The following RNF43 variants were observed in gnomAD, a reference collection of about 807,000 sequenced individuals.
The protein encoded by RNF43 is ring finger protein 43.
Under a neutral mutation model 78.4 loss-of-function variants are expected in RNF43, and 37 were observed. The ratio of observed to expected loss-of-function variants is 0.47; its 90% CI spans 0.36 to 0.62. RNF43 has a LOEUF of 0.62. RNF43 is among the 20% of genes least tolerant of loss of function. RNF43 has a pLI of 0.00. For missense variants in RNF43, 774 were observed against 1,007.9 expected (o/e 0.77, Z 3.14); for synonymous variants, 347 against 395.0 (o/e 0.88, Z 1.44).
intron 9 of RNF43, among the ~76,000 whole-genome samples, chr17:58,356,545 A>C (rs753047817): frequency 3.9e-5 from 6 of 152,192 alleles, no homozygotes; most frequent in Non-Finnish European, 8.8e-5. Flanking sequence ...CAAGAAATTA[A>C]GGTCAGTCTT....
intron 8 of RNF43, among the ~76,000 whole-genome samples, chr17:58,359,053 C>T (rs1184181011): frequency 6.6e-6 from 1 of 152,184 alleles, no homozygotes; most frequent in South Asian, 2.1e-4. Flanking sequence ...CTAAACCTCC[C>T]CTCAGCCATT....
At chr17:58,362,694 C>A (rs1567876477) in intron 5 of RNF43, 46 bp from the exon 6 acceptor site, 1 of 1,483,964 alleles carries the variant, frequency 6.7e-7, no homozygotes, top group South Asian at 1.2e-5. Context: ...CCGGGATGAG[C>A]TGGGTCAATT....
At chr17:58,398,833 A>G (rs905695127) in intron 2 of RNF43, among the ~76,000 whole-genome samples, 1 of 152,274 alleles carries the variant, frequency 6.6e-6, no homozygotes, top group Non-Finnish European at 1.5e-5. Flanking sequence ...TAACAGTGAT[A>G]GTGAATGTTT....
At chr17:58,404,423 A>C (rs748763799) in intron 2 of RNF43, among the ~76,000 whole-genome samples, 6 of 152,378 alleles carry the variant, frequency 3.9e-5, no homozygotes, top group Non-Finnish European at 8.8e-5. Context: ...TAAAATGATC[A>C]TAAGGTGCCT....
At chr17:58,388,262 C>T (rs1408614014) in intron 2 of RNF43, among the ~76,000 whole-genome samples, 1 of 152,178 alleles carries the variant, frequency 6.6e-6, no homozygotes, top group Non-Finnish European at 1.5e-5. Flanking sequence ...TAGCCAAATA[C>T]CTAACTACTA....
At chr17:58,392,052 T>C (rs905193302) in intron 2 of RNF43, among the ~76,000 whole-genome samples, 3 of 152,284 alleles carry the variant, frequency 2.0e-5, no homozygotes, top group East Asian at 1.9e-4. Flanking sequence ...AAGCAGCCCC[T>C]AAGACAGTGG....
At chr17:58,372,255 G>T (rs560598624) in intron 2 of RNF43, among the ~76,000 whole-genome samples, 1 of 152,126 alleles carries the variant, frequency 6.6e-6, no homozygotes, top group South Asian at 2.1e-4. Flanking sequence ...GTGTCACCGC[G>T]GTCCCTTGAA....
chr17:58,384,080 A>C (rs1441951889), intron 2 of RNF43, among the ~76,000 whole-genome samples: 1 of 152,250 alleles, frequency 6.6e-6, no homozygotes, highest in Non-Finnish European at 1.5e-5. Flanking sequence ...CAAATATTCC[A>C]GACATCCTTT....
chr17:58,380,545 A>T (rs562737231), intron 2 of RNF43, among the ~76,000 whole-genome samples: 1 of 152,328 alleles, frequency 6.6e-6, no homozygotes, highest in Admixed American at 6.5e-5. Context: ...GGAATCTGAA[A>T]ACCTACTAGA....
rs766747826 is a variant in RNF43, at chr17:58,362,653, G to C, written c.583-5C>G. ...GATCCACACATCATAATCTGGCTGG[G>C]GAGTGAGCAGAGAGGGAAAGGGTCA... On this transcript the variant is annotated splice_polypyrimidine_tract_variant and splice_region_variant and intron_variant, in intron 5 of 9. Coordinates refer to ENST00000407977, the MANE Select transcript of RNF43 (RefSeq NM_017763.6). The C allele has an allele frequency of 6.2e-7, 1 of 1,604,456 alleles. No individual in the cohort carries two copies. The highest frequency in any genetic ancestry group is 1.1e-5 in the South Asian group (1 of 90,054).
At chr17:58,372,380 G>C (rs952350821) in intron 2 of RNF43, among the ~76,000 whole-genome samples, 4 of 152,180 alleles carry the variant, frequency 2.6e-5, no homozygotes, top group African/African-American at 7.2e-5. Flanking sequence ...AGGCCTACTA[G>C]TCTGGTAGTG....
In RNF43 at chr17:58,370,908, T is replaced by C. The variant is rs1048763806; in HGVS notation, c.375+3A>G. On this transcript the variant is annotated splice_donor_region_variant and intron_variant, in intron 3 of 9. Coordinates refer to ENST00000407977, the MANE Select transcript of RNF43 (RefSeq NM_017763.6). ...GTGTGTGTAGGGCGAAGTGTGAGTC[T>C]ACCTTGCTAGCCAGTGACAGGCAGG... 6.3e-7 allele frequency: 1 copy of C among 1,592,412 alleles called. No individual in the cohort carries two copies. Among genetic ancestry groups the C allele is most frequent in the Admixed American group, 1.7e-5 (1 of 58,592 alleles).
At chr17:58,407,250 T>C (rs1424225089) in intron 2 of RNF43, among the ~76,000 whole-genome samples, 1 of 151,986 alleles carries the variant, frequency 6.6e-6, no homozygotes, top group African/African-American at 2.4e-5. Context: ...AGCTAATTTT[T>C]AAATTTTTTG....
chr17:58,370,353 C>T (rs1027806180), intron 3 of RNF43, among the ~76,000 whole-genome samples: 2 of 152,158 alleles, frequency 1.3e-5, no homozygotes, highest in African/African-American at 4.8e-5. Context: ...TAGGCGTGCG[C>T]CACCACGCCT....
intron 2 of RNF43, among the ~76,000 whole-genome samples, chr17:58,413,883 A>C (rs577068157): frequency 6.6e-6 from 1 of 152,318 alleles, no homozygotes; most frequent in South Asian, 2.1e-4. Flanking sequence ...GTGATATCAA[A>C]ATATGACTAG....
In RNF43 at chr17:58,415,435, A is replaced by T. The variant is rs972986418; in HGVS notation, c.143T>A (p.Ile48Asn). 1.9e-6 allele frequency: 3 copies of T among 1,614,224 alleles called. No homozygotes were observed. ...GTCCATTTTCAAGGGGATCACTCTG[A>T]TAATAGCTTTCTGTTCTGCTGATCT... ...SERSAEQKAI[I>N]RVIPLKMDPT... Residue 48 changes from isoleucine to asparagine, a missense_variant, in exon 2 of 10, where the codon ATC becomes AAC. By Grantham distance (149) the Ile-to-Asn change is moderately radical. Coordinates refer to ENST00000407977, the MANE Select transcript of RNF43 (RefSeq NM_017763.6).
intron 9 of RNF43, among the ~76,000 whole-genome samples, chr17:58,355,700 T>C (rs1972672204): frequency 6.6e-6 from 1 of 152,134 alleles, no homozygotes; most frequent in Non-Finnish European, 1.5e-5. Flanking sequence ...AACAGAACAT[T>C]TGAAGATTTC....
chr17:58,396,193 TACAGAAATGATAA>T (rs1973676855), intron 2 of RNF43, among the ~76,000 whole-genome samples: 1 of 152,162 alleles, frequency 6.6e-6, no homozygotes, highest in Non-Finnish European at 1.5e-5. Context: ...ATATGGAGGA[TACAGAAATGATAA>T]CAACTGTTGA....
At chr17:58,389,866 A>T (rs1440517619) in intron 2 of RNF43, among the ~76,000 whole-genome samples, 1 of 152,236 alleles carries the variant, frequency 6.6e-6, no homozygotes. Flanking sequence ...TGCTGGACAA[A>T]ATGGTAACAA....
Sources: allele counts gnomAD v4.1 joint callset (sites outside exome capture counted in the v4.1 genomes callset), GRCh38; gene constraint gnomAD v4.1.1; transcripts MANE v1.5; gene names NCBI Gene and HGNC (gene_info 2026-07-23, HGNC 2026-07-21).